The following RBM27 variants were observed in gnomAD, a reference collection of about 807,000 sequenced individuals.
RBM27 encodes RNA-binding protein 27.
RBM27 carries 22 observed loss-of-function variants against 135.3 expected under a neutral mutation model. The observed-to-expected ratio is 0.16, with a 90% CI of 0.12 to 0.23. The LOEUF is 0.23. RBM27 is among the 10% of genes least tolerant of loss of function. The pLI is 1.00. For synonymous variants in RBM27, 481 were observed against 442.4 expected, an observed-to-expected ratio of 1.09 and a Z score of -1.10; for missense variants, 1,009 against 1,281.0, an observed-to-expected ratio of 0.79 and a Z score of 3.24.
At chr5:146,248,011 A>G (rs1388953455) in intron 8 of RBM27, among the ~76,000 whole-genome samples, 3 of 152,166 alleles carry the variant, frequency 2.0e-5, no homozygotes, top group Non-Finnish European at 4.4e-5. Flanking sequence ...TGCAGTTTTT[A>G]CAGAAGAGAC....
intron 8 of RBM27, among the ~76,000 whole-genome samples, chr5:146,243,375 G>A (rs1230079767): frequency 6.6e-6 from 1 of 152,144 alleles, no homozygotes; most frequent in African/African-American, 2.4e-5. Flanking sequence ...TCTAAATACA[G>A]GTCAAGCATT....
chr5:146,268,253 T>C (rs1220641707), intron 15 of RBM27, among the ~76,000 whole-genome samples: 1 of 151,766 alleles, frequency 6.6e-6, no homozygotes, highest in Non-Finnish European at 1.5e-5. Flanking sequence ...TTCTTTTTTT[T>C]TTTTTTGAGA....
intron 8 of RBM27, among the ~76,000 whole-genome samples, chr5:146,240,672 C>A (rs1186492219): frequency 1.3e-5 from 2 of 152,106 alleles, no homozygotes; most frequent in African/African-American, 4.8e-5. Context: ...GCATTTGTTA[C>A]ATAATGACAT....
rs148069764 is a variant in RBM27, at chr5:146,260,699, G to GC, written c.1740-45dup. The GC allele has an allele frequency of 6.7e-4, 998 of 1,486,624 alleles. 4 individuals carry two copies. The African/African-American group carries it at 0.013, about 19-fold the overall frequency. 92.1% of individuals were successfully genotyped at this position (1,486,624 alleles called of 1,614,324 possible). Reference sequence around the variant, plus strand: ...CTTTGTGGTTATATCTCTTTGCTAGGCATGAAGTAGGAGAATTAACCAAGA... The same window carrying GC: ...CTTTGTGGTTATATCTCTTTGCTAGGCCATGAAGTAGGAGAATTAACCAAGA... On this transcript the variant is annotated intron_variant, in intron 11 of 20. Coordinates refer to ENST00000265271, the MANE Select transcript of RBM27 (RefSeq NM_018989.2).
intron 15 of RBM27, among the ~76,000 whole-genome samples, chr5:146,268,057 T>G (rs1475466129): frequency 1.3e-5 from 2 of 152,084 alleles, no homozygotes; most frequent in Non-Finnish European, 2.9e-5. Flanking sequence ...AATATAAGAC[T>G]TTTGTAATTA....
chr5:146,220,489 A>AATATAT lies in RBM27; in HGVS notation c.178+1401_178+1406dup, dbSNP rs34220307. On this transcript the variant is annotated intron_variant, in intron 2 of 20. Transcript: ENST00000265271. ...GAGTCCATCTCAAAAAAAAAAAAAA[A>AATATAT]ATATATATATATATATATATGTATG... Among the ~76,000 whole-genome samples, 149 of 104,926 alleles carry AATATAT rather than the reference A, an allele frequency of 1.4e-3. 2 individuals are homozygous for AATATAT. The highest frequency in any genetic ancestry group is 4.4e-3 in the African/African-American group (144 of 32,880). The allele number at this position is 104,926 out of a possible 152,430, so 68.8% of individuals were successfully genotyped here. A position where few individuals can be genotyped will look rare whatever the true frequency, so the allele number is the denominator to read the frequency against.
intron 1 of RBM27, among the ~76,000 whole-genome samples, chr5:146,213,915 T>C (rs1756083952): frequency 6.6e-6 from 1 of 152,256 alleles, no homozygotes; most frequent in Non-Finnish European, 1.5e-5. Context: ...TAAAACGTTA[T>C]TGTGCAAGGT....
Position 146,275,052 on chromosome 5 carries a change from A to G in RBM27, c.2988+3378A>G, listed in dbSNP as rs372471242. ...TTTTCTTTTAATAACCTTTTCAAAA[A>G]TGTAAAAACCATTCTTAGCTCCTGG... On this transcript the variant is annotated intron_variant, in intron 19 of 20. Coordinates refer to ENST00000265271, the MANE Select transcript of RBM27 (RefSeq NM_018989.2). 7.3e-5 allele frequency among the ~76,000 whole-genome samples: 11 copies of G among 151,656 alleles called. No homozygotes were observed. In the South Asian group the frequency reaches 1.2e-3, roughly 17 times the overall value.
chr5:146,223,753 G>A (rs1756555831), intron 3 of RBM27, among the ~76,000 whole-genome samples: 1 of 152,138 alleles, frequency 6.6e-6, no homozygotes, highest in South Asian at 2.1e-4. Flanking sequence ...GAAATATTGA[G>A]GAAGTCAGAG....
intron 4 of RBM27, among the ~76,000 whole-genome samples, chr5:146,229,301 T>C (rs917173926): frequency 1.5e-4 from 23 of 152,196 alleles, no homozygotes; most frequent in African/African-American, 5.5e-4. Context: ...TAATGAAATG[T>C]TCCATTTGGT....
At chr5:146,276,739 GC>G (rs1432223982) in intron 19 of RBM27, among the ~76,000 whole-genome samples, 5 of 152,082 alleles carry the variant, frequency 3.3e-5, no homozygotes, top group Non-Finnish European at 5.9e-5. Context: ...TTCATTGATT[GC>G]CCTTCATCAG....
chr5:146,263,756 T>C (rs1758494220), intron 14 of RBM27, 125 bp downstream of exon 14: 1 of 1,119,222 alleles, frequency 8.9e-7, no homozygotes, highest in Admixed American at 2.6e-5. Context: ...GGTATACCTC[T>C]CTAGTTTCCA....
At position 146,237,326 on chromosome 5, in the gene RBM27, A is replaced by C. The variant is rs1238712475; in HGVS notation, c.1173A>C (p.Ile391=). The stretch of plus-strand genomic sequence containing the variant: ...CACCTATAACACAATCAAGCTTGAT[A>C]AACAGCCGTGACCAGCCTGGGACAA... ...PRPPITQSSL[I]NSRDQPGTSA... The change falls in exon 8 of 21, where the codon ATA becomes ATC. Residue 391 remains isoleucine, a synonymous_variant. Transcript: ENST00000265271. 5 of 1,614,050 alleles carry C rather than the reference A, an allele frequency of 3.1e-6. No individual in the cohort carries two copies. The African/African-American group carries it at 5.3e-5, about 17-fold the overall frequency.
At chr5:146,240,497 T>C (rs138516705) in intron 8 of RBM27, among the ~76,000 whole-genome samples, 5,572 of 152,194 alleles carry the variant, frequency 0.037, 106 homozygotes, top group African/African-American at 0.039. Context: ...TGGCTAATTT[T>C]TGTATTTTTA....
chr5:146,205,863 A>T (rs1030450185), intron 1 of RBM27, among the ~76,000 whole-genome samples: 1 of 152,180 alleles, frequency 6.6e-6, no homozygotes, highest in South Asian at 2.1e-4. Context: ...TACTGAAAGT[A>T]TAAAAATTAA....
intron 2 of RBM27, 126 bp downstream of exon 2, chr5:146,219,229 A>G (rs1756337509): frequency 3.5e-6 from 2 of 569,682 alleles, no homozygotes; most frequent in Non-Finnish European, 6.1e-6. Flanking sequence ...ATACTTGAAT[A>G]TACCCATTCA....
At chr5:146,281,733 G>A (rs977780234) in intron 19 of RBM27, among the ~76,000 whole-genome samples, 3 of 152,122 alleles carry the variant, frequency 2.0e-5, no homozygotes, top group Non-Finnish European at 1.5e-5. Flanking sequence ...TTAAATGTTT[G>A]CATCAACTTT....
intron 2 of RBM27, among the ~76,000 whole-genome samples, chr5:146,222,423 C>T (rs952888893): frequency 7.2e-5 from 11 of 152,218 alleles, no homozygotes; most frequent in African/African-American, 2.4e-4. Context: ...GTGGCTCATG[C>T]CTGTAATCCC....
rs751390355 is a variant in RBM27 at position 146,269,597 on chromosome 5, A to C, written c.2691+13A>C. ...GACAAAAACGGAGGTATCTATTTGC[A>C]TTTTTTATTTAACATAGGGTTATTG... is the stretch of plus-strand genomic sequence containing the variant. On this transcript the variant is annotated intron_variant, in intron 17 of 20. Coordinates refer to ENST00000265271, the MANE Select transcript of RBM27 (RefSeq NM_018989.2). 1 of 1,507,796 alleles carries C rather than the reference A, an allele frequency of 6.6e-7. No homozygotes were observed. The highest frequency in any genetic ancestry group is 8.8e-7 in the Non-Finnish European group (1 of 1,133,250). 93.4% of individuals were successfully genotyped at this position (1,507,796 alleles called of 1,614,324 possible).
Sources: allele counts gnomAD v4.1 joint callset (sites outside exome capture counted in the v4.1 genomes callset), GRCh38; gene constraint gnomAD v4.1.1; transcripts MANE v1.5; gene names NCBI Gene and HGNC (gene_info 2026-07-23, HGNC 2026-07-21).